The following RAD54L2 variants were observed in gnomAD, a reference collection of about 807,000 sequenced individuals.
RAD54L2 encodes the protein helicase ARIP4.
In RAD54L2, 27 loss-of-function variants were observed where a neutral mutation model predicts 138.4. That is an observed-to-expected ratio of 0.20 (90% CI 0.14 to 0.27). The LOEUF (loss-of-function observed/expected upper bound fraction) is 0.27, where lower values mean the gene tolerates loss of function less well. Among genes scored for constraint, RAD54L2 ranks in the 10% least tolerant of loss-of-function variants. RAD54L2 has a pLI of 1.00. For missense variants in RAD54L2, 1,396 were observed against 1,890.2 expected (o/e 0.74, Z 4.85); for synonymous variants, 644 against 723.2 (o/e 0.89, Z 1.76).
chr3:51,570,981 C>T (rs959310986), intron 2 of RAD54L2, among the ~76,000 whole-genome samples: 2 of 152,128 alleles, frequency 1.3e-5, no homozygotes, highest in East Asian at 3.9e-4. Flanking sequence ...GCCACCGTGC[C>T]TGGCTAATTT....
At chr3:51,551,334 T>C (rs192783533) in intron 2 of RAD54L2, among the ~76,000 whole-genome samples, 3 of 152,176 alleles carry the variant, frequency 2.0e-5, no homozygotes, top group Admixed American at 2.0e-4. Flanking sequence ...GGTTTTTCTA[T>C]GTTTCCCAGG....
chr3:51,598,545 A>G (rs2106729501), intron 3 of RAD54L2, among the ~76,000 whole-genome samples: 1 of 152,224 alleles, frequency 6.6e-6, no homozygotes, highest in African/African-American at 2.4e-5. Flanking sequence ...ACCTGAGGCC[A>G]GGAGTTCGAG....
chr3:51,592,636 G>A (rs149459511), intron 3 of RAD54L2, among the ~76,000 whole-genome samples: 164 of 150,626 alleles, frequency 1.1e-3, no homozygotes, highest in African/African-American at 3.9e-3. Flanking sequence ...GTGCAATGGC[G>A]CGATCTCGGC....
intron 3 of RAD54L2, among the ~76,000 whole-genome samples, chr3:51,612,267 C>T (rs1164089628): frequency 6.6e-6 from 1 of 152,076 alleles, no homozygotes; most frequent in Non-Finnish European, 1.5e-5. Context: ...AAGTTTAAGA[C>T]CAGCCTGGCC....
chr3:51,565,716 G>A (rs538480067), intron 2 of RAD54L2, among the ~76,000 whole-genome samples: 6 of 151,946 alleles, frequency 3.9e-5, no homozygotes, highest in Non-Finnish European at 8.8e-5. Context: ...CAGGTGATCC[G>A]CCCGTCTCGG....
At chr3:51,634,358 A>ATTTTTT (rs61565460) in intron 9 of RAD54L2, among the ~76,000 whole-genome samples, 3 of 94,964 alleles carry the variant, frequency 3.2e-5, no homozygotes, top group African/African-American at 4.4e-5. Flanking sequence ...CCACTGTCTG[A>ATTTTTT]TTTTTTTTTT....
At chr3:51,564,796 AAAAG>A (rs1239657633) in intron 2 of RAD54L2, among the ~76,000 whole-genome samples, 8 of 152,286 alleles carry the variant, frequency 5.3e-5, no homozygotes, top group South Asian at 4.1e-4. Context: ...TAAAATTAAA[AAAAG>A]AAAGAAACTG....
At chr3:51,582,967 T>G (rs998262010) in intron 2 of RAD54L2, among the ~76,000 whole-genome samples, 5 of 152,174 alleles carry the variant, frequency 3.3e-5, no homozygotes, top group African/African-American at 1.2e-4. Flanking sequence ...GGGTTTCACC[T>G]TGTTAGCCAG....
chr3:51,559,806 A>G (rs756627891), intron 2 of RAD54L2, among the ~76,000 whole-genome samples: 20 of 152,356 alleles, frequency 1.3e-4, no homozygotes, highest in Middle Eastern at 3.4e-3. Context: ...CTCCAAGTGG[A>G]ACACCGGTTG....
chr3:51,616,371 T>C (rs369150822), intron 3 of RAD54L2, among the ~76,000 whole-genome samples: 1 of 152,256 alleles, frequency 6.6e-6, no homozygotes, highest in Admixed American at 6.5e-5. Context: ...AACGTGTTCA[T>C]TTAAGGCTAT....
intron 2 of RAD54L2, among the ~76,000 whole-genome samples, chr3:51,570,697 C>T (rs372341219): frequency 7.2e-5 from 11 of 152,134 alleles, no homozygotes; most frequent in East Asian, 1.9e-4. Flanking sequence ...CCTTGTGATC[C>T]GCCTGCCTCG....
rs571932388 is a variant in RAD54L2 at position 51,600,695 on chromosome 3, G to A, written c.139+10136G>A. 5.8e-4 allele frequency among the ~76,000 whole-genome samples: 88 copies of A among 152,224 alleles called. 1 individual carries two copies. The highest frequency in any genetic ancestry group is 9.9e-4 in the Non-Finnish European group (67 of 68,004). On this transcript the variant is annotated intron_variant, in intron 3 of 22. Coordinates refer to ENST00000684192, the MANE Select transcript of RAD54L2 (RefSeq NM_015106.4). The stretch of plus-strand genomic sequence containing the variant: ...TTGAAACTATTTTGAGGCTGGGTGC[G>A]GTGGCTCACGCCTGTAATCTCAGTA...
In RAD54L2 at chr3:51,635,769, G is replaced by A. The variant is rs772463151; in HGVS notation, c.1319G>A (p.Arg440Gln). The change falls in exon 10 of 23, where the codon CGG becomes CAG. Residue 440 changes from arginine (R) to glutamine (Q), a missense_variant. By Grantham distance (43) the Arg-to-Gln change is conservative. Transcript: ENST00000684192. ...PVIIDLDEED[R>Q]QQEFRREFEK... ...ATCATTGATCTAGATGAGGAAGATCGGCAGCAGGAGTTTCGGAGAGGTGGG... is the reference window on the plus strand; with the variant it reads ...ATCATTGATCTAGATGAGGAAGATCAGCAGCAGGAGTTTCGGAGAGGTGGG... 15 of 1,610,776 alleles carry A rather than the reference G, an allele frequency of 9.3e-6. No individual in the cohort carries two copies. The East Asian group carries it at 2.5e-4, about 26-fold the overall frequency.
chr3:51,588,550 A>AG (rs1465185858), intron 2 of RAD54L2, among the ~76,000 whole-genome samples: 1 of 151,590 alleles, frequency 6.6e-6, no homozygotes, highest in East Asian at 1.9e-4. Flanking sequence ...AAAAAAAAAA[A>AG]AAAAGAAAAG....
chr3:51,563,828 A>G (rs1218037408), intron 2 of RAD54L2, among the ~76,000 whole-genome samples: 1 of 152,194 alleles, frequency 6.6e-6, no homozygotes, highest in African/African-American at 2.4e-5. Context: ...ATTAGTTATT[A>G]GGTGGTAGAC....
At chr3:51,580,900 C>T (rs924632986) in intron 2 of RAD54L2, among the ~76,000 whole-genome samples, 20 of 152,112 alleles carry the variant, frequency 1.3e-4, no homozygotes, top group South Asian at 4.1e-4. Flanking sequence ...AATATTAGTA[C>T]GTTATATTAT....
intron 2 of RAD54L2, among the ~76,000 whole-genome samples, chr3:51,565,781 AT>A (rs1699201443): frequency 1.4e-5 from 2 of 142,012 alleles, no homozygotes; most frequent in Admixed American, 7.2e-5. Flanking sequence ...ACTAAAATAG[AT>A]TTTTCTTTAT....
At chr3:51,565,820 G>T (rs1699202318) in intron 2 of RAD54L2, among the ~76,000 whole-genome samples, 1 of 148,322 alleles carries the variant, frequency 6.7e-6, no homozygotes. Context: ...ACCTTACTGA[G>T]CTCCCCCACC....
At chr3:51,648,580 CCT>C (rs1165661519) in intron 19 of RAD54L2, among the ~76,000 whole-genome samples, 2 of 152,134 alleles carry the variant, frequency 1.3e-5, no homozygotes, top group Non-Finnish European at 2.9e-5. Context: ...GCCGGGTGCC[CCT>C]CTGAGACGAA....
Sources: allele counts gnomAD v4.1 joint callset (sites outside exome capture counted in the v4.1 genomes callset), GRCh38; gene constraint gnomAD v4.1.1; transcripts MANE v1.5; gene names NCBI Gene and HGNC (gene_info 2026-07-23, HGNC 2026-07-21).